Variants in DIPK2B observed in about 807,000 individuals in gnomAD.
DIPK2B encodes the protein UPF0672 protein CXorf36.
A neutral mutation model predicts 22.2 loss-of-function variants in DIPK2B; 15 were observed. The observed-to-expected ratio is 0.68, with a 90% CI of 0.45 to 1.04. The LOEUF (loss-of-function observed/expected upper bound fraction) is 1.04. Among genes scored for constraint, DIPK2B ranks in the 50% least tolerant of loss-of-function variants. The pLI is 0.00. For missense variants in DIPK2B, 345 were observed against 348.3 expected (o/e 0.99, Z 0.08); for synonymous variants, 163 against 153.2 (o/e 1.06, Z -0.47).
Position 45,157,823 on chromosome X carries a change from A to C in DIPK2B, c.564T>G (p.Tyr188Ter), listed in dbSNP as rs1456931355. Residue 188 changes from tyrosine (Y) to a stop codon, truncating the protein, a stop_gained, in exon 3 of 5, where the codon TAT becomes TAG. Coordinates refer to ENST00000398000, the MANE Select transcript of DIPK2B (RefSeq NM_176819.4). LOFTEE classifies it high-confidence loss of function. Reference protein sequence around the residue: ...QRLLDRVVRRYAEVADAGSIF... With the variant: ...QRLLDRVVRR ...TGCTGCCGGCGTCGGCCACCTCTGC[A>C]TAGCGCCTGACCACGCGATCCAGGA... The C allele has an allele frequency of 8.5e-7, 1 of 1,174,890 alleles. No individual in the cohort carries two copies. Among genetic ancestry groups the C allele is most frequent in the Admixed American group, 2.5e-5 (1 of 39,939 alleles).
intron 2 of DIPK2B, chrX:45,163,642 G>A: frequency 1.3e-6 from 1 of 754,200 alleles, no homozygotes; most frequent in Non-Finnish European, 1.6e-6. Flanking sequence ...AGTCTTGACA[G>A]GTGATTTCAT....
At chrX:45,188,885 A>G (rs1017640798) in intron 2 of DIPK2B, among the ~76,000 whole-genome samples, 2 of 111,904 alleles carry the variant, frequency 1.8e-5, no homozygotes, top group Non-Finnish European at 3.8e-5. Context: ...AATGTTTTCA[A>G]GGTTTACCTA....
rs762991571 is a variant in DIPK2B at position 45,200,631 on chromosome X, T to G, written c.196A>C (p.Thr66Pro). The change falls in exon 1 of 5, where the codon ACA becomes CCA. Residue 66 changes from threonine to proline, a missense_variant. Coordinates refer to ENST00000398000, the MANE Select transcript of DIPK2B (RefSeq NM_176819.4). ...GLDKCNACIG[T>P]SICKKFFKEE... ...TTAAAGAACTTCTTGCAAATAGATG[T>G]CCCGATGCAGGCATTGCATTTATCA... 1.6e-6 allele frequency: 2 copies of G among 1,212,237 alleles called. No homozygotes were observed. The highest frequency in any genetic ancestry group is 3.5e-5 in the South Asian group (2 of 57,025).
chrX:45,167,755 G>A (rs2047056778), intron 2 of DIPK2B, among the ~76,000 whole-genome samples: 1 of 110,873 alleles, frequency 9.0e-6, no homozygotes, highest in Non-Finnish European at 1.9e-5. Flanking sequence ...TGTGATCCCA[G>A]TTCACTGCAA....
At chrX:45,189,453 A>G (rs1046560964) in intron 2 of DIPK2B, among the ~76,000 whole-genome samples, 1 of 111,263 alleles carries the variant, frequency 9.0e-6, no homozygotes, top group Non-Finnish European at 1.9e-5. Flanking sequence ...GTCTCTACTA[A>G]AAATACAAAA....
At chrX:45,197,528 G>T (rs961742485) in intron 1 of DIPK2B, among the ~76,000 whole-genome samples, 2 of 111,841 alleles carry the variant, frequency 1.8e-5, no homozygotes, top group African/African-American at 3.3e-5. Context: ...GAGCCACCTC[G>T]CCTGGCTGGT....
intron 2 of DIPK2B, among the ~76,000 whole-genome samples, chrX:45,160,266 G>T (rs1400465295): frequency 9.1e-6 from 1 of 109,388 alleles, no homozygotes; most frequent in Non-Finnish European, 1.9e-5. Context: ...GGAATGTAAT[G>T]GTGCAATATC....
At chrX:45,168,286 T>C (rs1353038316) in intron 2 of DIPK2B, among the ~76,000 whole-genome samples, 3 of 112,294 alleles carry the variant, frequency 2.7e-5, no homozygotes, top group Non-Finnish European at 5.6e-5. Context: ...GAAAGTCAGG[T>C]GCAAAGGGTA....
chrX:45,156,468 T>C (rs1367076235), intron 3 of DIPK2B, among the ~76,000 whole-genome samples: 1 of 112,189 alleles, frequency 8.9e-6, no homozygotes, highest in Non-Finnish European at 1.9e-5. Context: ...AGGTCTTTTC[T>C]GGGAGAAAAG....
chrX:45,182,465 A>G (rs2047160432), intron 2 of DIPK2B, among the ~76,000 whole-genome samples: 2 of 112,845 alleles, frequency 1.8e-5, no homozygotes, highest in Non-Finnish European at 3.7e-5. Context: ...AAATCAGCAC[A>G]ACTACTTTGG....
chrX:45,151,926 T>C lies in DIPK2B; in HGVS notation c.1028A>G (p.Gln343Arg). Residue 343 changes from glutamine (Q) to arginine (R), a missense_variant, in exon 5 of 5, where the codon CAG (glutamine) becomes CGG (arginine). Gln to Arg is a conservative substitution (Grantham distance 43). Coordinates refer to ENST00000398000, the MANE Select transcript of DIPK2B (RefSeq NM_176819.4). Reference protein sequence around the residue: ...DIFSCLVSGCQAQLPSCESIS... With the variant: ...DIFSCLVSGCRAQLPSCESIS... Reference sequence around the variant, plus strand: ...GCTTTCGCAGGAGGGCAGCTGGGCCTGGCAGCCGGAAACCAGGCAGCTAAA... The same window carrying C: ...GCTTTCGCAGGAGGGCAGCTGGGCCCGGCAGCCGGAAACCAGGCAGCTAAA... The C allele has an allele frequency of 8.3e-7, 1 of 1,203,798 alleles. No homozygotes were observed. Among genetic ancestry groups the C allele is most frequent in the Non-Finnish European group, 1.1e-6 (1 of 891,076 alleles).
chrX:45,166,657 G>A (rs2047050409), intron 2 of DIPK2B, among the ~76,000 whole-genome samples: 1 of 111,863 alleles, frequency 8.9e-6, no homozygotes, highest in Non-Finnish European at 1.9e-5. Flanking sequence ...GTTTCCAAAA[G>A]CAAATGTTTC....
chrX:45,199,536 C>T lies in DIPK2B; in HGVS notation c.233+1058G>A, dbSNP rs145050664. ...CCCCATGCTCTAGCTAAGCACCTCT[C>T]ACTTCTTCCCACACCTTTGCTTAAG... On this transcript the variant is annotated intron_variant, in intron 1 of 4. Transcript: ENST00000398000. Among the ~76,000 whole-genome samples, 512 of 111,281 alleles carry T rather than the reference C, an allele frequency of 4.6e-3. 1 individual carries two copies. Among genetic ancestry groups the T allele is most frequent in the African/African-American group, 0.015 (474 of 30,583 alleles).
intron 2 of DIPK2B, among the ~76,000 whole-genome samples, chrX:45,171,350 A>G (rs2047080054): frequency 9.0e-6 from 1 of 111,203 alleles, no homozygotes; most frequent in African/African-American, 3.3e-5. Context: ...CCCATTTCTG[A>G]AAAGATCCAC....
chrX:45,162,649 G>T, intron 2 of DIPK2B: 1 of 754,614 alleles, frequency 1.3e-6, no homozygotes, highest in African/African-American at 2.3e-5. Context: ...TTGCTTTGGA[G>T]TTTCTAAATC....
chrX:45,190,029 A>C (rs1049351348), intron 2 of DIPK2B, among the ~76,000 whole-genome samples: 4 of 112,391 alleles, frequency 3.6e-5, no homozygotes, highest in Non-Finnish European at 7.5e-5. Flanking sequence ...GCAAGATGAC[A>C]AAATTGCTAG....
chrX:45,179,625 G>T (rs1378991160), intron 2 of DIPK2B, among the ~76,000 whole-genome samples: 1 of 111,380 alleles, frequency 9.0e-6, no homozygotes, highest in Non-Finnish European at 1.9e-5. Context: ...CTGAAATTAA[G>T]AACTTCTTTA....
rs1172089401 is a variant in DIPK2B at position 45,157,809 on chromosome X, T to TCGG, written c.575_577dup (p.Ala192dup). On this transcript the variant is annotated inframe_insertion, in exon 3 of 5. Coordinates refer to ENST00000398000, the MANE Select transcript of DIPK2B (RefSeq NM_176819.4). ...GTGGTCCATGAAGATGCTGCCGGCG[T>TCGG]CGGCCACCTCTGCATAGCGCCTGAC... 8.5e-7 allele frequency: 1 copy of TCGG among 1,176,796 alleles called. No homozygotes were observed.
rs150028545 is a variant in DIPK2B at position 45,195,644 on chromosome X, C to T, written c.234-3629G>A. ...TCCTTAATTTAACTTAGAGCTTAAA[C>T]TTAGTTAAGCTTAGAGCTCCTTAGT... On this transcript the variant is annotated intron_variant, in intron 1 of 4. Transcript: ENST00000398000. 5.2e-3 allele frequency among the ~76,000 whole-genome samples: 580 copies of T among 112,099 alleles called. 6 individuals are homozygous for T. Among genetic ancestry groups the T allele is most frequent in the African/African-American group, 0.018 (550 of 30,858 alleles).
Sources: allele counts gnomAD v4.1 joint callset (sites outside exome capture counted in the v4.1 genomes callset), GRCh38; gene constraint gnomAD v4.1.1; transcripts MANE v1.5; gene names NCBI Gene and HGNC (gene_info 2026-07-23, HGNC 2026-07-21).